Variants in FTO observed in about 807,000 individuals in gnomAD.
The protein encoded by FTO is FTO alpha-ketoglutarate dependent dioxygenase, also known as alpha-ketoglutarate-dependent dioxygenase FTO.
Under a neutral mutation model 63.9 loss-of-function variants are expected in FTO, and 47 were observed. The ratio of observed to expected loss-of-function variants is 0.74; its 90% CI spans 0.58 to 0.94. FTO has a LOEUF of 0.94. FTO is among the 40% of genes least tolerant of loss of function. FTO has a pLI of 0.00. For synonymous variants in FTO, 207 were observed against 224.4 expected (o/e 0.92, Z 0.69); for missense variants, 562 against 618.1 (o/e 0.91, Z 0.96).
At chr16:53,749,441 CTTTTT>C (rs748023558) in intron 1 of FTO, among the ~76,000 whole-genome samples, 1 of 140,200 alleles carries the variant, frequency 7.1e-6, no homozygotes. Flanking sequence ...TTCTTTTTTT[CTTTTT>C]TTTTTTTTTG....
intron 8 of FTO, among the ~76,000 whole-genome samples, chr16:54,008,196 T>A (rs1242275579): frequency 6.6e-6 from 1 of 152,182 alleles, no homozygotes; most frequent in African/African-American, 2.4e-5. Flanking sequence ...ATCCAGTGAG[T>A]ATTTGAGGGC....
At chr16:53,759,691 CTCAAAAAAAAA>C (rs1567962083) in intron 1 of FTO, among the ~76,000 whole-genome samples, 2 of 114,316 alleles carry the variant, frequency 1.7e-5, no homozygotes, top group Non-Finnish European at 3.6e-5. Context: ...AAGACTCCTT[CTCAAAAAAAAA>C]AAAAAAAAAA....
chr16:53,845,111 A>T (rs2079584396), intron 4 of FTO, among the ~76,000 whole-genome samples: 1 of 151,686 alleles, frequency 6.6e-6, no homozygotes, highest in Non-Finnish European at 1.5e-5. Flanking sequence ...TTATTTTTGG[A>T]CTTTCTACTT....
At chr16:53,928,673 C>T (rs1319418776) in intron 7 of FTO, among the ~76,000 whole-genome samples, 1 of 151,976 alleles carries the variant, frequency 6.6e-6, no homozygotes, top group Non-Finnish European at 1.5e-5. Context: ...ATTTTTACTA[C>T]TTATTTGCTA....
chr16:53,987,845 G>T (rs1478180417), intron 8 of FTO, among the ~76,000 whole-genome samples: 1 of 152,164 alleles, frequency 6.6e-6, no homozygotes, highest in Non-Finnish European at 1.5e-5. Context: ...TAGACATGTT[G>T]TGAGGCTCAA....
intron 8 of FTO, among the ~76,000 whole-genome samples, chr16:53,958,315 G>A (rs1004013256): frequency 2.6e-5 from 4 of 152,222 alleles, no homozygotes; most frequent in Admixed American, 2.6e-4. Context: ...TGTGAGTATA[G>A]TTTCTTATGG....
intron 8 of FTO, among the ~76,000 whole-genome samples, chr16:53,983,049 G>T (rs1041265376): frequency 6.6e-6 from 1 of 152,052 alleles, no homozygotes; most frequent in Non-Finnish European, 1.5e-5. Flanking sequence ...GCCTCACATG[G>T]TAAAGTAATT....
At chr16:54,028,777 T>C (rs1391522677) in intron 8 of FTO, among the ~76,000 whole-genome samples, 1 of 152,156 alleles carries the variant, frequency 6.6e-6, no homozygotes, top group East Asian at 1.9e-4. Flanking sequence ...ATACTCTGCA[T>C]ATTATGTAGT....
intron 8 of FTO, among the ~76,000 whole-genome samples, chr16:54,036,122 A>G (rs528562691): frequency 1.3e-5 from 2 of 152,308 alleles, no homozygotes; most frequent in Admixed American, 6.5e-5. Flanking sequence ...TTAGACCTTC[A>G]GATAGGTTGG....
At position 53,810,267 on chromosome 16, in the gene FTO, C is replaced by T. The variant is rs754140018; in HGVS notation, c.123+50C>T. ...AGTTTCAGTGATGTGTTCTGATCAA[C>T]CTTATTTTACCTATGAGGAAGCTGG... On this transcript the variant is annotated intron_variant, in intron 2 of 8. Coordinates refer to ENST00000471389, the MANE Select transcript of FTO (RefSeq NM_001080432.3). 11 of 1,268,310 alleles carry T rather than the reference C, an allele frequency of 8.7e-6. No homozygotes were observed. In the Admixed American group the frequency reaches 1.7e-4, roughly 19 times the overall value. The allele number at this position is 1,268,310 out of a possible 1,614,324, so 78.6% of individuals were successfully genotyped here.
intron 8 of FTO, among the ~76,000 whole-genome samples, chr16:54,020,421 A>G (rs571148609): frequency 1.3e-5 from 2 of 152,328 alleles, no homozygotes; most frequent in South Asian, 2.1e-4. Context: ...AAACAGAAGC[A>G]CCTACTGTAC....
Position 53,960,577 on chromosome 16 carries a change from T to A in FTO, c.1364+26468T>A, listed in dbSNP as rs529214534. On this transcript the variant is annotated intron_variant, in intron 8 of 8. Coordinates refer to ENST00000471389, the MANE Select transcript of FTO (RefSeq NM_001080432.3). ...GCTCCCATTGTCTTACCTCTGGTGC[T>A]GGGGGAATCTTGCTAGCTTTGCTGT... 1.3e-4 allele frequency among the ~76,000 whole-genome samples: 20 copies of A among 152,298 alleles called. No individual in the cohort carries two copies. In the South Asian group the frequency reaches 4.1e-3, roughly 32 times the overall value.
At chr16:53,873,903 A>G in intron 5 of FTO, 38 bp downstream of exon 5, 9 of 1,451,872 alleles carry the variant, frequency 6.2e-6, no homozygotes, top group African/African-American at 1.4e-5. Flanking sequence ...ACCTAATTGG[A>G]TGTGACAGAA....
chr16:53,839,803 A>T (rs868095689), intron 3 of FTO, among the ~76,000 whole-genome samples: 17 of 70,536 alleles, frequency 2.4e-4, no homozygotes, highest in African/African-American at 1.1e-3. Context: ...TTATTTATTT[A>T]TTTATTTATT....
At chr16:53,861,045 A>C (rs775177214) in intron 4 of FTO, among the ~76,000 whole-genome samples, 1 of 152,206 alleles carries the variant, frequency 6.6e-6, no homozygotes, top group Non-Finnish European at 1.5e-5. Flanking sequence ...ATACTTCAGT[A>C]AAGTTCAGAA....
intron 1 of FTO, among the ~76,000 whole-genome samples, chr16:53,801,241 T>G (rs571038829): frequency 1.8e-3 from 275 of 149,462 alleles, no homozygotes; most frequent in Non-Finnish European, 3.0e-3. Flanking sequence ...AATTTTTTGG[T>G]TTTTTTTTTA....
chr16:53,857,062 G>C (rs145747811), intron 4 of FTO, among the ~76,000 whole-genome samples: 20 of 134,188 alleles, frequency 1.5e-4, no homozygotes, highest in African/African-American at 5.9e-4. Context: ...GTTGTTATTG[G>C]TATGGAAGTA....
intron 8 of FTO, among the ~76,000 whole-genome samples, chr16:53,959,236 T>C (rs2083007966): frequency 6.6e-6 from 1 of 152,080 alleles, no homozygotes; most frequent in South Asian, 2.1e-4. Context: ...GGAAGTTTGG[T>C]TCCAGAGCCC....
In FTO at chr16:53,847,228, A is replaced by G. The variant is rs115840222; in HGVS notation, c.895+2930A>G. Among the ~76,000 whole-genome samples, 259 of 152,242 alleles carry G rather than the reference A, an allele frequency of 1.7e-3. 2 individuals are homozygous for G. The highest frequency in any genetic ancestry group is 6.1e-3 in the African/African-American group (255 of 41,532). ...GGATTGTATCTTGTCATCTTATCCC[A>G]CTCGGGGTCTGACATCCCATGTCAG... On this transcript the variant is annotated intron_variant, in intron 4 of 8. Transcript: ENST00000471389.
Sources: allele counts gnomAD v4.1 joint callset (sites outside exome capture counted in the v4.1 genomes callset), GRCh38; gene constraint gnomAD v4.1.1; transcripts MANE v1.5; gene names NCBI Gene and HGNC (gene_info 2026-07-23, HGNC 2026-07-21).